Variants in MYH3 observed in about 807,000 individuals in gnomAD.
MYH3 encodes the protein myosin heavy chain 3, also known as myosin-3.
MYH3 carries 130 observed loss-of-function variants against 238.0 expected under a neutral mutation model. The ratio of observed to expected loss-of-function variants is 0.55; its 90% confidence interval spans 0.47 to 0.63. The LOEUF (loss-of-function observed/expected upper bound fraction) is 0.63. Among genes scored for constraint, MYH3 ranks in the 30% least tolerant of loss-of-function variants. The pLI is 0.00. For synonymous variants in MYH3, 880 were observed against 924.1 expected (o/e 0.95, Z 0.86); for missense variants, 1,853 against 2,374.9 (o/e 0.78, Z 4.57).
upstream of MYH3, among the ~76,000 whole-genome samples, chr17:10,657,885 T>C (rs868251178): frequency 6.6e-6 from 1 of 152,104 alleles, no homozygotes; most frequent in Admixed American, 6.6e-5. Flanking sequence ...TTCTCCTCCT[T>C]CTACTCCTCT....
Position 10,635,485 on chromosome 17 carries a change from GCTC to G in MYH3, c.4051_4053del (p.Glu1351del). 1 of 1,614,200 alleles carries G rather than the reference GCTC, an allele frequency of 6.2e-7. No homozygotes were observed. Among genetic ancestry groups the G allele is most frequent in the Non-Finnish European group, 8.5e-7 (1 of 1,180,032 alleles). On this transcript the variant is annotated inframe_deletion, in exon 30 of 41. Transcript: ENST00000583535. ...CTCTGCAGCTCAGCTTTGCCTTCCT[GCTC>G]CTCCTCATACTGTTCCCGCAGCAGG...
chr17:10,639,495 A>ACT (rs2074248373), intron 23 of MYH3, 21 bp from the exon 24 acceptor site: 1 of 1,613,932 alleles, frequency 6.2e-7, no homozygotes, highest in Admixed American at 1.7e-5. Flanking sequence ...TTCGCAAGCA[A>ACT]TTATAAGCTT....
In MYH3 at chr17:10,632,515, C is replaced by A; in HGVS notation, c.4917G>T (p.Glu1639Asp). Residue 1639 changes from glutamate (E) to aspartate (D), a missense_variant, in exon 34 of 41, where the codon GAG becomes GAT. This residue lies in a region of MYH3 where 1,044 missense variants were observed against 1,192.6 expected (regional missense o/e 0.88). Coordinates refer to ENST00000583535, the MANE Select transcript of MYH3 (RefSeq NM_002470.4). ...QLSHANRQAAETLKHLRSVQG... is the reference protein window; with the variant it reads ...QLSHANRQAADTLKHLRSVQG... Reference sequence around the variant, plus strand: ...GGACACTCCTGAGGTGTTTGAGGGTCTCCGCCGCCTGGCGGTTGGCGTGGC... The same window carrying A: ...GGACACTCCTGAGGTGTTTGAGGGTATCCGCCGCCTGGCGGTTGGCGTGGC... The A allele has an allele frequency of 6.2e-7, 1 of 1,614,098 alleles. No homozygotes were observed. The highest frequency in any genetic ancestry group is 1.7e-5 in the Admixed American group (1 of 60,018).
intron 12 of MYH3, 103 bp from the exon 13 acceptor site, chr17:10,644,805 A>G (rs1338760270): frequency 1.1e-6 from 1 of 896,690 alleles, no homozygotes; most frequent in Non-Finnish European, 1.8e-6. Flanking sequence ...TACATTGTGC[A>G]TTCCCTGTGG....
intron 38 of MYH3, 72 bp downstream of exon 38, chr17:10,630,020 T>C: frequency 6.2e-7 from 1 of 1,605,668 alleles, no homozygotes. Context: ...GGCCAAAGTG[T>C]TTCTTCCTGT....
chr17:10,649,703 AAGAGAG>A lies in MYH3; in HGVS notation c.534-24_534-19del, dbSNP rs1292777827. Reference sequence around the variant, plus strand: ...ATTCTCCGCTGTACAGAGTGATCAAAAGAGAGAGAAAGAAACAAGTCTGTTAGTATA... The same window carrying A: ...ATTCTCCGCTGTACAGAGTGATCAAAAGAAAGAAACAAGTCTGTTAGTATA... On this transcript the variant is annotated intron_variant, in intron 6 of 40. Coordinates refer to ENST00000583535, the MANE Select transcript of MYH3 (RefSeq NM_002470.4). 2 of 1,607,316 alleles carry A rather than the reference AAGAGAG, an allele frequency of 1.2e-6. No individual in the cohort carries two copies. Among genetic ancestry groups the A allele is most frequent in the Non-Finnish European group, 1.7e-6 (2 of 1,173,850 alleles).
chr17:10,668,969 A>G, the MYH3 span, among the ~76,000 whole-genome samples: 4 of 152,144 alleles, frequency 2.6e-5, no homozygotes, highest in East Asian at 7.7e-4. Flanking sequence ...TATTACAAAT[A>G]TTTTCCCCAT....
rs148637119 is a variant in MYH3, at chr17:10,654,947, C to T, written c.118G>A (p.Val40Met). ...GCATATTCTTCCTTTGAGTCCACCA[C>T]GAAGCAATACGTCTTGGCATCAAAG... ...QPFDAKTYCFVVDSKEEYAKG... is the reference protein window; with the variant it reads ...QPFDAKTYCFMVDSKEEYAKG... The change falls in exon 3 of 41, where the codon GTG becomes ATG. Residue 40 changes from valine to methionine, a missense_variant. Coordinates refer to ENST00000583535, the MANE Select transcript of MYH3 (RefSeq NM_002470.4). The surrounding 1 kb of genome is among the most constrained non-coding windows in gnomAD (Gnocchi z 4.5). 9.5e-5 allele frequency: 154 copies of T among 1,614,060 alleles called. 1 individual carries two copies. The highest frequency in any genetic ancestry group is 1.2e-4 in the Non-Finnish European group (136 of 1,180,046).
the MYH3 span, among the ~76,000 whole-genome samples, chr17:10,666,697 G>A: frequency 2.0e-4 from 30 of 152,114 alleles, no homozygotes; most frequent in South Asian, 2.3e-3. Flanking sequence ...ATGAGGCCAA[G>A]GCTACAGTGA....
chr17:10,670,450 T>A, the MYH3 span, among the ~76,000 whole-genome samples: 7 of 152,196 alleles, frequency 4.6e-5, no homozygotes, highest in Admixed American at 1.3e-4. The surrounding 1 kb of genome is among the most constrained non-coding windows in gnomAD (Gnocchi z 7.0). Context: ...ACTGTCAGTT[T>A]CTCCAAGTGA....
In MYH3 at chr17:10,638,091, C is replaced by A; in HGVS notation, c.3681G>T (p.Leu1227=). 1 of 1,613,888 alleles carries A rather than the reference C, an allele frequency of 6.2e-7. No individual in the cohort carries two copies. Among genetic ancestry groups the A allele is most frequent in the Non-Finnish European group, 8.5e-7 (1 of 1,179,990 alleles). The part of the protein sequence containing the change: ...KLEKEKSEFK[L]EIDDLSSSME... ...TGCTGCTGGAGAGGTCATCGATCTC[C>A]AGCTTGAACTCGCTCTTCTCCTTCT... The change falls in exon 27 of 41, where the codon CTG becomes CTT. Residue 1227 remains leucine, a synonymous_variant. Coordinates refer to ENST00000583535, the MANE Select transcript of MYH3 (RefSeq NM_002470.4).
chr17:10,649,837 G>A (rs1236736067), intron 6 of MYH3, 152 bp from the exon 7 acceptor site: 9 of 753,338 alleles, frequency 1.2e-5, no homozygotes, highest in Admixed American at 6.1e-5. Flanking sequence ...GAAGGCAGAC[G>A]CCCAGGGCAC....
At chr17:10,634,248 A>C in intron 31 of MYH3, 66 bp from the exon 32 acceptor site, 1 of 1,579,686 alleles carries the variant, frequency 6.3e-7, no homozygotes, top group South Asian at 1.1e-5. Flanking sequence ...CAAAATACTA[A>C]ATAACTAAAT....
Position 10,651,566 on chromosome 17 carries a change from C to T in MYH3, c.451G>A (p.Ala151Thr), listed in dbSNP as rs1192876445. 1.2e-6 allele frequency: 2 copies of T among 1,613,970 alleles called. No individual in the cohort carries two copies. The highest frequency in any genetic ancestry group is 1.7e-5 in the Admixed American group (1 of 60,002). The change falls in exon 5 of 41, where the codon GCC (alanine) becomes ACC (threonine). Residue 151 changes from alanine (A) to threonine (T), a missense_variant. This residue lies in a region of MYH3 where 678 missense variants were observed against 1,058.9 expected (regional missense o/e 0.64). Transcript: ENST00000583535. Reference sequence around the variant, plus strand: ...GAGATGGAGAAGATGTGGGGTGGGGCCTCCTGGCGCTTTTTGCCTCGGTAG... The same window carrying T: ...GAGATGGAGAAGATGTGGGGTGGGGTCTCCTGGCGCTTTTTGCCTCGGTAG... ...EGYRGKKRQE[A>T]PPHIFSISDN...
In MYH3 at chr17:10,641,077, T is replaced by G. The variant is rs752565882; in HGVS notation, c.2165+8A>C. 8 of 1,568,020 alleles carry G rather than the reference T, an allele frequency of 5.1e-6. No individual in the cohort carries two copies. In the Admixed American group the frequency reaches 1.3e-4, roughly 26 times the overall value. On this transcript the variant is annotated splice_region_variant and intron_variant, in intron 19 of 40. Coordinates refer to ENST00000583535, the MANE Select transcript of MYH3 (RefSeq NM_002470.4). Reference sequence around the variant, plus strand: ...TCCCCAAGCATATAGAACATGTTTATTACACACCTTTGTTTAAAATCGCCA... The same window carrying G: ...TCCCCAAGCATATAGAACATGTTTAGTACACACCTTTGTTTAAAATCGCCA...
intron 40 of MYH3, 25 bp downstream of exon 40, chr17:10,629,572 G>T (rs187637244): frequency 3.1e-6 from 5 of 1,612,184 alleles, no homozygotes; most frequent in Middle Eastern, 2.1e-4. Context: ...CCTGGGGGGG[G>T]GCTCCTCCCA....
intron 5 of MYH3, among the ~76,000 whole-genome samples, chr17:10,650,727 C>T (rs1043170273): frequency 6.6e-6 from 1 of 152,172 alleles, no homozygotes; most frequent in African/African-American, 2.4e-5. Flanking sequence ...TTAAAATATA[C>T]TATTTTAGGG....
the MYH3 span, chr17:10,674,430 A>C: frequency 3.6e-6 from 1 of 275,282 alleles, no homozygotes; most frequent in East Asian, 1.4e-4. Flanking sequence ...CCATCTCAAA[A>C]CAAACAAACA....
intron 4 of MYH3, 109 bp from the exon 5 acceptor site, chr17:10,651,777 C>G: frequency 7.2e-7 from 1 of 1,393,094 alleles, no homozygotes; most frequent in South Asian, 1.3e-5. Context: ...CGGAGTCTCA[C>G]TCTGTCACCA....
Sources: gnomAD v4.1 joint callset for allele counts (sites outside exome capture counted in the v4.1 genomes callset) on GRCh38, gnomAD v4.1.1 for gene constraint, gnomAD v4.1.1 regional missense constraint, Gnocchi (gnomAD v3.1) non-coding constraint, MANE v1.5 for transcripts, NCBI Gene and HGNC (gene_info 2026-07-23, HGNC 2026-07-21) for gene names.